The following PIGV variants were observed in gnomAD, a reference collection of about 807,000 sequenced individuals.
PIGV encodes GPI alpha-1,6-mannosyltransferase 2.
A neutral mutation model predicts 39.2 loss-of-function variants in PIGV; 27 were observed. The ratio of observed to expected loss-of-function variants is 0.69; its 90% CI spans 0.51 to 0.95. The LOEUF (loss-of-function observed/expected upper bound fraction) is 0.95. Ranked by LOEUF, PIGV falls within the 40% of genes least tolerant of loss-of-function variation. The probability of loss-of-function intolerance (pLI) is 0.00; values close to 1 mark genes in which losing one functional copy is unlikely to be tolerated. For missense variants in PIGV, 523 were observed against 586.4 expected (o/e 0.89, Z 1.12); for synonymous variants, 232 against 241.7 (o/e 0.96, Z 0.37).
intron 3 of PIGV, among the ~76,000 whole-genome samples, chr1:26,796,174 T>TC (rs1271783840): frequency 6.7e-6 from 1 of 148,524 alleles, no homozygotes; most frequent in African/African-American, 2.5e-5. Flanking sequence ...ATTTTTTTTT[T>TC]TTTTTTTTTT....
At position 26,796,359 on chromosome 1, in the gene PIGV, G is replaced by A. The variant is rs547109206; in HGVS notation, c.1200+1125G>A. 3.9e-5 allele frequency among the ~76,000 whole-genome samples: 6 copies of A among 152,124 alleles called. No homozygotes were observed. The South Asian group carries it at 6.2e-4, about 16-fold the overall frequency. On this transcript the variant is annotated intron_variant, in intron 3 of 3. Coordinates refer to ENST00000674202, the MANE Select transcript of PIGV (RefSeq NM_017837.4). ...AATTTTTTGTATTTTTAGTAGAGAC[G>A]GGATTTCACCGTGTGAGCCAGGATG...
In PIGV at chr1:26,800,649, ACT is replaced by A. The variant is rs1017762344; in HGVS notation, c.*2807_*2808del. 5.9e-5 allele frequency among the ~76,000 whole-genome samples: 9 copies of A among 152,162 alleles called. No homozygotes were observed. The highest frequency in any genetic ancestry group is 1.9e-4 in the African/African-American group (8 of 41,426). On this transcript the variant is annotated 3_prime_UTR_variant, in exon 4 of 4. Transcript: ENST00000674202. The stretch of plus-strand genomic sequence containing the variant: ...TGCCTATTTTAGGGGAATAAAGATG[ACT>A]CAGCTATGCCTCCTGTCCTCAAATA...
intron 1 of PIGV, among the ~76,000 whole-genome samples, chr1:26,789,216 CTA>C (rs2081279738): frequency 6.6e-6 from 1 of 152,230 alleles, no homozygotes; most frequent in African/African-American, 2.4e-5. Context: ...GATTCACAAA[CTA>C]TCGTTACTGT....
In PIGV at chr1:26,794,533, G is replaced by A. The variant is rs756498571; in HGVS notation, c.499G>A (p.Gly167Ser). Reference protein sequence around the residue: ...LSPANVFLAAGYSEALFALLT... With the variant: ...LSPANVFLAASYSEALFALLT... ...CCCTGCCAATGTCTTCCTGGCAGCT[G>A]GTTACTCAGAAGCTTTGTTTGCCCT... Residue 167 changes from glycine (G) to serine (S), a missense_variant, in exon 3 of 4, where the codon GGT becomes AGT. By Grantham distance (56) the Gly-to-Ser change is moderately conservative (BLOSUM62 0). Transcript: ENST00000674202. 3.1e-6 allele frequency: 5 copies of A among 1,614,082 alleles called. No individual in the cohort carries two copies. The East Asian group carries it at 1.1e-4, about 36-fold the overall frequency.
chr1:26,795,167 A>T lies in PIGV; in HGVS notation c.1133A>T (p.Gln378Leu). ...CCCGATCTTGGATTCCTCAGTCCTC[A>T]GGTGTTTGTGTACGTGGTCCACGCT... is the stretch of plus-strand genomic sequence containing the variant. ...EKPDLGFLSP[Q>L]VFVYVVHAAV... Residue 378 changes from glutamine (Q) to leucine (L), a missense_variant, in exon 3 of 4, where the codon CAG (glutamine) becomes CTG (leucine). Transcript: ENST00000674202. 6.2e-7 allele frequency: 1 copy of T among 1,614,008 alleles called. No individual in the cohort carries two copies. The highest frequency in any genetic ancestry group is 1.3e-5 in the African/African-American group (1 of 75,018).
chr1:26,795,585 C>T (rs979048251), intron 3 of PIGV, among the ~76,000 whole-genome samples: 1 of 151,374 alleles, frequency 6.6e-6, no homozygotes, highest in Non-Finnish European at 1.5e-5. Flanking sequence ...GTGGCAGGCA[C>T]CTGTAATCCC....
At position 26,798,664 on chromosome 1, in the gene PIGV, G is replaced by A. The variant is rs534067447; in HGVS notation, c.*820G>A. ...GGAGGTTTCAGTGAGCTGAGTTTGC[G>A]CCACTGCGCTCCAGCCTGGGCAACA... On this transcript the variant is annotated 3_prime_UTR_variant, in exon 4 of 4. Coordinates refer to ENST00000674202, the MANE Select transcript of PIGV (RefSeq NM_017837.4). 6.6e-6 allele frequency among the ~76,000 whole-genome samples: 1 copy of A among 152,222 alleles called. No homozygotes were observed. The highest frequency in any genetic ancestry group is 1.5e-5 in the Non-Finnish European group (1 of 68,040).
rs1006008611 is a variant in PIGV at position 26,800,627 on chromosome 1, C to T, written c.*2783C>T. ...TCTTTCAGTAATTGTTTATTAATGC[C>T]TATTTTAGGGGAATAAAGATGACTC... On this transcript the variant is annotated 3_prime_UTR_variant, in exon 4 of 4. Coordinates refer to ENST00000674202, the MANE Select transcript of PIGV (RefSeq NM_017837.4). 6.6e-6 allele frequency among the ~76,000 whole-genome samples: 1 copy of T among 152,038 alleles called. No individual in the cohort carries two copies. Among genetic ancestry groups the T allele is most frequent in the African/African-American group, 2.4e-5 (1 of 41,380 alleles).
At chr1:26,790,984 G>C in intron 2 of PIGV, 91 bp downstream of exon 2, 2 of 1,065,516 alleles carry the variant, frequency 1.9e-6, no homozygotes, top group Admixed American at 3.5e-5. Context: ...CCACCTCTCA[G>C]GTGTGCCCCT....
At position 26,794,561 on chromosome 1, in the gene PIGV, T is replaced by TG; in HGVS notation, c.528dup (p.Thr177AspfsTer16). ...TACTCAGAAGCTTTGTTTGCCCTCC[T>TG]GACATTCAGTGCCATGGGGCAGCTG... On this transcript the variant is annotated frameshift_variant, in exon 3 of 4. Transcript: ENST00000674202. LOFTEE classifies it high-confidence loss of function. 1 of 1,614,144 alleles carries TG rather than the reference T, an allele frequency of 6.2e-7. No homozygotes were observed. Among genetic ancestry groups the TG allele is most frequent in the Non-Finnish European group, 8.5e-7 (1 of 1,179,968 alleles).
rs927720678 is a variant in PIGV at position 26,799,258 on chromosome 1, C to T, written c.*1414C>T. Among the ~76,000 whole-genome samples, 3 of 152,136 alleles carry T rather than the reference C, an allele frequency of 2.0e-5. No homozygotes were observed. Among genetic ancestry groups the T allele is most frequent in the Admixed American group, 6.5e-5 (1 of 15,272 alleles). ...TTGATCAGTAGACATGGGTCAGAGG[C>T]GCCAACACGGCGGCAGGAATTGGTA... On this transcript the variant is annotated 3_prime_UTR_variant, in exon 4 of 4. Transcript: ENST00000674202.
Position 26,800,117 on chromosome 1 carries a change from G to A in PIGV, c.*2273G>A, listed in dbSNP as rs976958267. Among the ~76,000 whole-genome samples, 24 of 152,058 alleles carry A rather than the reference G, an allele frequency of 1.6e-4. No individual in the cohort carries two copies. The highest frequency in any genetic ancestry group is 5.8e-4 in the African/African-American group (24 of 41,384). On this transcript the variant is annotated 3_prime_UTR_variant, in exon 4 of 4. Coordinates refer to ENST00000674202, the MANE Select transcript of PIGV (RefSeq NM_017837.4). ...AGATCTCATCATGCCCAGAAACCTT[G>A]TAACAGGAGCCCAGCTAGGTGGGTG...
intron 1 of PIGV, chr1:26,788,987 T>C (rs1448252618): frequency 2.0e-5 from 3 of 152,188 alleles, no homozygotes; most frequent in Non-Finnish European, 4.4e-5. Context: ...AGAGCTTGAC[T>C]CGAGAGAGGA....
Position 26,790,898 on chromosome 1 carries a change from G to T in PIGV, c.78+5G>T. 1 of 1,611,978 alleles carries T rather than the reference G, an allele frequency of 6.2e-7. No individual in the cohort carries two copies. On this transcript the variant is annotated splice_donor_5th_base_variant and intron_variant, in intron 2 of 3. Coordinates refer to ENST00000674202, the MANE Select transcript of PIGV (RefSeq NM_017837.4). The stretch of plus-strand genomic sequence containing the variant: ...ATCCTGACTCTGATGCTGCAGGTCA[G>T]TCTCCCATCCTTTGTCCTGAATGTG...
At position 26,791,287 on chromosome 1, in the gene PIGV, G is replaced by A. The variant is rs192661978; in HGVS notation, c.78+394G>A. Among the ~76,000 whole-genome samples, 27 of 152,284 alleles carry A rather than the reference G, an allele frequency of 1.8e-4. No homozygotes were observed. In the East Asian group the frequency reaches 3.3e-3, roughly 18 times the overall value. ...CTGTGTCCCCTTACTAGGAGACTGA[G>A]CATTGTGTCAGTTGAGTGGGAGAAA... On this transcript the variant is annotated intron_variant, in intron 2 of 3. Coordinates refer to ENST00000674202, the MANE Select transcript of PIGV (RefSeq NM_017837.4).
chr1:26,794,616 C>A lies in PIGV; in HGVS notation c.582C>A (p.Leu194=), dbSNP rs913708158. The change falls in exon 3 of 4, where the codon CTC becomes CTA. Residue 194 remains leucine (L), a synonymous_variant. Coordinates refer to ENST00000674202, the MANE Select transcript of PIGV (RefSeq NM_017837.4). ...GGGGCCGAGTCTGGACTAGTGTACT[C>A]CTCTTTGCCTTTGCCACTGGGGTAC... is the stretch of plus-strand genomic sequence containing the variant. ...LERGRVWTSV[L]LFAFATGVRS... is the part of the protein sequence containing the mutation. 2 of 1,614,108 alleles carry A rather than the reference C, an allele frequency of 1.2e-6. No individual in the cohort carries two copies. Among genetic ancestry groups the A allele is most frequent in the African/African-American group, 2.7e-5 (2 of 74,942 alleles).
chr1:26,794,555 C>A lies in PIGV; in HGVS notation c.521C>A (p.Ala174Asp), dbSNP rs1248828096. ...LAAGYSEALF[A>D]LLTFSAMGQL... ...GCTGGTTACTCAGAAGCTTTGTTTG[C>A]CCTCCTGACATTCAGTGCCATGGGG... Residue 174 changes from alanine (A) to aspartate (D), a missense_variant, in exon 3 of 4, where the codon GCC becomes GAC. Coordinates refer to ENST00000674202, the MANE Select transcript of PIGV (RefSeq NM_017837.4). 1.2e-6 allele frequency: 2 copies of A among 1,614,100 alleles called. No homozygotes were observed. The highest frequency in any genetic ancestry group is 1.7e-5 in the Admixed American group (1 of 60,010).
Position 26,795,192 on chromosome 1 carries a change from T to C in PIGV, c.1158T>C (p.Ala386=), listed in dbSNP as rs755718553. ...AGGTGTTTGTGTACGTGGTCCACGC[T>C]GCAGTGCTGCTGCTGTTTGGAGGTC... ...SPQVFVYVVH[A]AVLLLFGGLC... Residue 386 remains alanine, a synonymous_variant, in exon 3 of 4, where the codon GCT becomes GCC. Transcript: ENST00000674202. 1 of 1,613,996 alleles carries C rather than the reference T, an allele frequency of 6.2e-7. No homozygotes were observed. The highest frequency in any genetic ancestry group is 1.3e-5 in the African/African-American group (1 of 75,044).
rs1040655143 is a variant in PIGV, at chr1:26,800,052, G to A, written c.*2208G>A. On this transcript the variant is annotated 3_prime_UTR_variant, in exon 4 of 4. Transcript: ENST00000674202. ...GACTCAGACCCCACAGAGTAGGTGT[G>A]ATGTCACTGCTCTGGCAGTCTCAGT... is the stretch of plus-strand genomic sequence containing the variant. 1.3e-5 allele frequency among the ~76,000 whole-genome samples: 2 copies of A among 152,120 alleles called. No individual in the cohort carries two copies. The highest frequency in any genetic ancestry group is 4.8e-5 in the African/African-American group (2 of 41,424).
Sources: allele counts gnomAD v4.1 joint callset (sites outside exome capture counted in the v4.1 genomes callset), GRCh38; gene constraint gnomAD v4.1.1; transcripts MANE v1.5; gene names NCBI Gene and HGNC (gene_info 2026-07-23, HGNC 2026-07-21).